Variants in MTF1 observed in about 807,000 individuals in gnomAD.
MTF1 encodes the protein metal regulatory transcription factor 1.
MTF1 carries 22 observed loss-of-function variants against 70.4 expected under a neutral mutation model. The observed-to-expected ratio is 0.31, with a 90% CI of 0.22 to 0.45. MTF1 has a LOEUF of 0.45. MTF1 is among the 20% of genes least tolerant of loss of function. The pLI is 1.00. For synonymous variants in MTF1, 333 were observed against 352.8 expected, an observed-to-expected ratio of 0.94 and a Z score of 0.63; for missense variants, 649 against 922.0, an observed-to-expected ratio of 0.70 and a Z score of 3.83.
At chr1:37,842,845 C>A (rs1035258053) in intron 2 of MTF1, among the ~76,000 whole-genome samples, 6 of 151,966 alleles carry the variant, frequency 3.9e-5, no homozygotes, top group Non-Finnish European at 7.4e-5. Context: ...AAGATAAAGA[C>A]TGGGGAAGTG....
chr1:37,829,897 A>C (rs1218036276), intron 7 of MTF1, among the ~76,000 whole-genome samples: 2 of 152,224 alleles, frequency 1.3e-5, no homozygotes, highest in African/African-American at 4.8e-5. Context: ...GGGTACCAGG[A>C]GCATGATCTA....
chr1:37,845,837 C>G (rs1462939553), intron 2 of MTF1, among the ~76,000 whole-genome samples: 1 of 152,120 alleles, frequency 6.6e-6, no homozygotes, highest in Non-Finnish European at 1.5e-5. Flanking sequence ...GTGGGGGAGA[C>G]AGTTGACTGT....
In MTF1 at chr1:37,814,984, C is replaced by G. The variant is rs1640792614; in HGVS notation, c.*152G>C. The G allele has an allele frequency of 3.0e-6, 2 of 676,228 alleles. No homozygotes were observed. Among genetic ancestry groups the G allele is most frequent in the East Asian group, 5.5e-5 (2 of 36,638 alleles). The allele number at this position is 676,228 out of a possible 1,614,324, so 41.9% of individuals were successfully genotyped here. ...GAATAGTTCCTTAAAATGGATGCTC[C>G]TGGGATGTGAATAAAGAAAATACGT... On this transcript the variant is annotated 3_prime_UTR_variant, in exon 11 of 11. Transcript: ENST00000373036.
At chr1:37,825,628 G>A (rs991853096) in intron 7 of MTF1, among the ~76,000 whole-genome samples, 1 of 152,142 alleles carries the variant, frequency 6.6e-6, no homozygotes, top group Non-Finnish European at 1.5e-5. Flanking sequence ...AACTGCACAA[G>A]TGGACTTATA....
At chr1:37,837,465 A>C (rs1641187203) in intron 4 of MTF1, among the ~76,000 whole-genome samples, 1 of 151,998 alleles carries the variant, frequency 6.6e-6, no homozygotes, top group South Asian at 2.1e-4. Flanking sequence ...TAATGCCTTG[A>C]ATATCCCCTG....
chr1:37,852,755 C>T (rs1641435697), intron 2 of MTF1, among the ~76,000 whole-genome samples: 1 of 152,154 alleles, frequency 6.6e-6, no homozygotes, highest in Non-Finnish European at 1.5e-5. Flanking sequence ...CTCAGCCTCC[C>T]AAGTGGCTGG....
chr1:37,828,173 T>TAAAA (rs554470681), intron 7 of MTF1: 21 of 316,928 alleles, frequency 6.6e-5, no homozygotes, highest in Admixed American at 1.5e-4. Flanking sequence ...ATAAAAGCAT[T>TAAAA]AAAAAAAAAA....
At chr1:37,823,202 G>A (rs1640945416) in intron 8 of MTF1, among the ~76,000 whole-genome samples, 1 of 152,152 alleles carries the variant, frequency 6.6e-6, no homozygotes, top group Non-Finnish European at 1.5e-5. Flanking sequence ...TTGGGAGGCT[G>A]AGGCGGGTGG....
chr1:37,816,504 G>A (rs1400741503), intron 10 of MTF1, among the ~76,000 whole-genome samples: 1 of 151,946 alleles, frequency 6.6e-6, no homozygotes, highest in Non-Finnish European at 1.5e-5. Context: ...GTGAAACCTT[G>A]TCTCTACTAA....
At chr1:37,821,645 A>C (rs2148401857) in intron 9 of MTF1, among the ~76,000 whole-genome samples, 1 of 152,298 alleles carries the variant, frequency 6.6e-6, no homozygotes, top group Middle Eastern at 3.4e-3. Context: ...TTCCCTAGTC[A>C]TCAAGACCAA....
chr1:37,828,185 A>T (rs2148406368), intron 7 of MTF1: 1 of 420,016 alleles, frequency 2.4e-6, no homozygotes, highest in East Asian at 7.8e-5. Context: ...AAAAAAAAAA[A>T]ACAGGAAAAA....
At position 37,815,224 on chromosome 1, in the gene MTF1, C is replaced by CTCT. The variant is rs1557584122; in HGVS notation, c.2171_2173dup (p.Gln724_Ser725insLys). 6.2e-7 allele frequency: 1 copy of CTCT among 1,614,148 alleles called. No individual in the cohort carries two copies. The highest frequency in any genetic ancestry group is 1.3e-5 in the African/African-American group (1 of 75,040). On this transcript the variant is annotated inframe_insertion, in exon 11 of 11. Transcript: ENST00000373036. The surrounding 1 kb of genome is among the most constrained non-coding windows in gnomAD (Gnocchi z 4.5). ...AATCAGATTGGACGGGGTGTCCAGG[C>CTCT]TCTGGAGGGATAGAAACTCTGACAC...
chr1:37,822,151 G>A lies in MTF1; in HGVS notation c.1737C>T (p.Ala579=). ...EQNLQWILNG[A]TSSPQNQEQI... is the part of the protein sequence containing the mutation. The stretch of plus-strand genomic sequence containing the variant: ...GTTCTTGGTTTTGTGGAGAACTGGT[G>A]GCACCATTTAATATCCATTGTAAGT... The change falls in exon 9 of 11, where the codon GCC becomes GCT. Residue 579 remains alanine (A), a synonymous_variant. Transcript: ENST00000373036. 1 of 1,609,524 alleles carries A rather than the reference G, an allele frequency of 6.2e-7. No individual in the cohort carries two copies. Among genetic ancestry groups the A allele is most frequent in the Non-Finnish European group, 8.5e-7 (1 of 1,177,144 alleles).
At position 37,814,595 on chromosome 1, in the gene MTF1, C is replaced by T. The variant is rs1640786787; in HGVS notation, c.*541G>A. ...CAACACTAAGCACAAATGACAACACCATCTCACCTGAACCCTGTCCAACTC... is the reference window on the plus strand; with the variant it reads ...CAACACTAAGCACAAATGACAACACTATCTCACCTGAACCCTGTCCAACTC... On this transcript the variant is annotated 3_prime_UTR_variant, in exon 11 of 11. Coordinates refer to ENST00000373036, the MANE Select transcript of MTF1 (RefSeq NM_005955.3). 3 of 160,062 alleles carry T rather than the reference C, an allele frequency of 1.9e-5. No individual in the cohort carries two copies. The highest frequency in any genetic ancestry group is 4.1e-5 in the Non-Finnish European group (3 of 72,680). 9.9% of individuals were successfully genotyped at this position (160,062 alleles called of 1,614,324 possible). A position where few individuals can be genotyped will look rare whatever the true frequency, so the allele number is the denominator to read the frequency against.
chr1:37,844,335 C>T (rs1336035187), intron 2 of MTF1, among the ~76,000 whole-genome samples: 2 of 152,182 alleles, frequency 1.3e-5, no homozygotes, highest in African/African-American at 2.4e-5. Context: ...CTTCCTTCTC[C>T]GCTTTTCTGA....
In MTF1 at chr1:37,840,232, G is replaced by A; in HGVS notation, c.409-74C>T. 7.6e-7 allele frequency: 1 copy of A among 1,322,874 alleles called. No homozygotes were observed. The highest frequency in any genetic ancestry group is 1.7e-5 in the Admixed American group (1 of 57,506). 81.9% of individuals were successfully genotyped at this position (1,322,874 alleles called of 1,614,324 possible). ...GCTTAACTCCCCCACCCAGAGCTCA[G>A]CTCCCAAGAGATGCTGTGGACAATA... On this transcript the variant is annotated intron_variant, in intron 2 of 10. Coordinates refer to ENST00000373036, the MANE Select transcript of MTF1 (RefSeq NM_005955.3). This position sits in a 1 kb window ranked among gnomAD's most constrained non-coding sequence, Gnocchi z 4.5.
chr1:37,824,047 G>C (rs567176453), intron 7 of MTF1, among the ~76,000 whole-genome samples: 17 of 151,826 alleles, frequency 1.1e-4, no homozygotes, highest in Admixed American at 2.6e-4. Context: ...ATCTCACTAC[G>C]TTGCCCAGGC....
chr1:37,818,232 A>T (rs1557585408), intron 9 of MTF1, among the ~76,000 whole-genome samples: 1 of 152,178 alleles, frequency 6.6e-6, no homozygotes, highest in Non-Finnish European at 1.5e-5. Flanking sequence ...TGAATGAATT[A>T]ATTCACTCAT....
chr1:37,841,038 TG>T, intron 2 of MTF1: 1 of 215,532 alleles, frequency 4.6e-6, no homozygotes, highest in Non-Finnish European at 9.4e-6. Flanking sequence ...ATCAAGTCCC[TG>T]GAGAAGGTCT....
Sources: gnomAD v4.1 joint callset for allele counts (sites outside exome capture counted in the v4.1 genomes callset) on GRCh38, gnomAD v4.1.1 for gene constraint, Gnocchi (gnomAD v3.1) non-coding constraint, MANE v1.5 for transcripts, NCBI Gene and HGNC (gene_info 2026-07-23, HGNC 2026-07-21) for gene names.